WDR49: variants seen among roughly 807,000 people sequenced by gnomAD.
WDR49 encodes the protein cilia- and flagella-associated protein 337.
WDR49 carries 107 observed loss-of-function variants against 119.5 expected under a neutral mutation model. The ratio of observed to expected loss-of-function variants is 0.90; its 90% confidence interval spans 0.77 to 1.05. WDR49 has a LOEUF of 1.05. Among genes scored for constraint, WDR49 ranks in the 50% least tolerant of loss-of-function variants. The probability of loss-of-function intolerance (pLI) is 0.00; values close to 1 mark genes in which losing one functional copy is unlikely to be tolerated. For missense variants in WDR49, 1,240 were observed against 1,220.5 expected, an observed-to-expected ratio of 1.02 and a Z score of -0.24; for synonymous variants, 425 against 418.8, an observed-to-expected ratio of 1.01 and a Z score of -0.18.
chr3:167,609,797 TGAG>T (rs935118544), intron 5 of WDR49, among the ~76,000 whole-genome samples: 3 of 151,966 alleles, frequency 2.0e-5, no homozygotes, highest in African/African-American at 7.3e-5. Context: ...TCCTTTCACT[TGAG>T]GAGAGGAGAG....
chr3:167,599,163 C>G (rs1057254040), intron 7 of WDR49, among the ~76,000 whole-genome samples: 3 of 152,182 alleles, frequency 2.0e-5, no homozygotes, highest in African/African-American at 7.2e-5. Flanking sequence ...TGTGTCCTTC[C>G]CTTCAGGGCA....
chr3:167,592,413 G>A (rs1159036828), intron 7 of WDR49, among the ~76,000 whole-genome samples: 5 of 149,486 alleles, frequency 3.3e-5, no homozygotes, highest in Non-Finnish European at 5.9e-5. Flanking sequence ...GTTTTGTACC[G>A]TTAGATGATT....
At chr3:167,517,334 T>C (rs904880290) in intron 16 of WDR49, among the ~76,000 whole-genome samples, 2 of 151,718 alleles carry the variant, frequency 1.3e-5, no homozygotes, top group Admixed American at 6.6e-5. Context: ...CAGAGACCCA[T>C]GGAACAGAAT....
chr3:167,486,830 A>G (rs1750940022), intron 18 of WDR49, among the ~76,000 whole-genome samples: 1 of 152,072 alleles, frequency 6.6e-6, no homozygotes, highest in Non-Finnish European at 1.5e-5. Flanking sequence ...TTCAAGGCAG[A>G]AAACTAACAA....
chr3:167,613,939 CAA>C (rs113461805), intron 5 of WDR49, among the ~76,000 whole-genome samples: 101 of 107,368 alleles, frequency 9.4e-4, no homozygotes, highest in Non-Finnish European at 8.3e-4. Context: ...GACTCTGTCT[CAA>C]AAAAAAAAAA....
intron 15 of WDR49, among the ~76,000 whole-genome samples, chr3:167,524,014 C>A (rs1752548450): frequency 6.6e-6 from 1 of 152,180 alleles, no homozygotes. Flanking sequence ...CTCTCACCAA[C>A]AGTGTAAAAG....
intron 18 of WDR49, among the ~76,000 whole-genome samples, chr3:167,484,500 G>C (rs960091348): frequency 6.6e-6 from 1 of 151,968 alleles, no homozygotes; most frequent in East Asian, 1.9e-4. Context: ...GTTTCTGCCT[G>C]TGCCGAGCCT....
intron 16 of WDR49, among the ~76,000 whole-genome samples, chr3:167,514,755 A>C (rs1276181568): frequency 6.6e-6 from 1 of 152,138 alleles, no homozygotes; most frequent in Admixed American, 6.6e-5. Context: ...TTAATAAAGA[A>C]GAAAAGACAG....
intron 18 of WDR49, among the ~76,000 whole-genome samples, chr3:167,495,883 G>GAAAAAAAAAAAAAAAAAAAAAAAAAAA: frequency 1.7e-4 from 12 of 71,218 alleles, no homozygotes; most frequent in Non-Finnish European, 2.2e-4. Flanking sequence ...TTAAAAATTT[G>GAAAAAAAAAAAAAAAAAAAAAAAAAAA]AAAAAAAAAA....
At chr3:167,574,194 T>C (rs1714107392) in intron 8 of WDR49, among the ~76,000 whole-genome samples, 1 of 152,186 alleles carries the variant, frequency 6.6e-6, no homozygotes, top group African/African-American at 2.4e-5. Context: ...GATTTTCCCT[T>C]AAAGAGTTGA....
At chr3:167,563,369 AAAAAAAAAG>A (rs60196214) in intron 8 of WDR49, among the ~76,000 whole-genome samples, 5,039 of 148,922 alleles carry the variant, frequency 0.034, 186 homozygotes, top group African/African-American at 0.12. Flanking sequence ...AAAAAAAAAA[AAAAAAAAAG>A]AAAGAAACCT....
At chr3:167,602,301 A>T (rs1254159074) in intron 6 of WDR49, 26 bp from the exon 7 acceptor site, 89 of 1,546,022 alleles carry the variant, frequency 5.8e-5, no homozygotes, top group Non-Finnish European at 7.7e-5. Context: ...AAGAAAAAAA[A>T]TGTTTTTAAT....
intron 7 of WDR49, among the ~76,000 whole-genome samples, chr3:167,594,683 A>G (rs1715319280): frequency 2.0e-5 from 3 of 152,034 alleles, no homozygotes; most frequent in Non-Finnish European, 4.4e-5. Flanking sequence ...CATGCTAAAA[A>G]CTCTCAATAA....
intron 7 of WDR49, among the ~76,000 whole-genome samples, chr3:167,580,328 A>AAAAT (rs201679480): frequency 0.028 from 4,228 of 152,244 alleles, 110 homozygotes; most frequent in Admixed American, 0.039. Context: ...ATAAAAGCAT[A>AAAAT]AAATGGGTGA....
At chr3:167,518,979 C>T (rs1309860109) in intron 16 of WDR49, among the ~76,000 whole-genome samples, 1 of 150,642 alleles carries the variant, frequency 6.6e-6, no homozygotes. Context: ...TAAACTGACA[C>T]TTCTCAAAAG....
rs6768763 is a variant in WDR49, at chr3:167,592,006, G to T, written c.1275+10121C>A. On this transcript the variant is annotated intron_variant, in intron 7 of 18. Transcript: ENST00000682715. ...CCTTCCTGTCTTCCTTATAGTAAAG[G>T]TGATTGTCACTGGTCATATGATTTA... is the stretch of plus-strand genomic sequence containing the variant. 5.3e-3 allele frequency among the ~76,000 whole-genome samples: 810 copies of T among 151,976 alleles called. 9 individuals are homozygous for T. The highest frequency in any genetic ancestry group is 0.019 in the African/African-American group (772 of 41,466).
intron 9 of WDR49, among the ~76,000 whole-genome samples, chr3:167,556,382 T>C (rs565672682): frequency 6.6e-6 from 1 of 152,232 alleles, no homozygotes; most frequent in Non-Finnish European, 1.5e-5. Flanking sequence ...CCTCTACCGA[T>C]AAAACCTCCT....
intron 16 of WDR49, among the ~76,000 whole-genome samples, chr3:167,512,608 A>T (rs1299971741): frequency 6.6e-6 from 1 of 152,218 alleles, no homozygotes; most frequent in African/African-American, 2.4e-5. Flanking sequence ...GGGCTGAGGC[A>T]GAGATGGATG....
At chr3:167,526,617 A>G (rs1334386384) in intron 15 of WDR49, among the ~76,000 whole-genome samples, 2 of 152,038 alleles carry the variant, frequency 1.3e-5, no homozygotes, top group East Asian at 3.9e-4. Flanking sequence ...TGCTTGTCTT[A>G]TTTACAAAAT....
Sources: allele counts gnomAD v4.1 joint callset (sites outside exome capture counted in the v4.1 genomes callset), GRCh38; gene constraint gnomAD v4.1.1; transcripts MANE v1.5; gene names NCBI Gene and HGNC (gene_info 2026-07-23, HGNC 2026-07-21).